Variants in NFATC3 observed in about 807,000 individuals in gnomAD.
The protein encoded by NFATC3 is nuclear factor of activated T-cells, cytoplasmic 3.
A neutral mutation model predicts 98.6 loss-of-function variants in NFATC3; 46 were observed. The ratio of observed to expected loss-of-function variants is 0.47; its 90% confidence interval spans 0.37 to 0.60. The LOEUF (loss-of-function observed/expected upper bound fraction) is 0.60. Among genes scored for constraint, NFATC3 ranks in the 20% least tolerant of loss-of-function variants. The pLI, the probability that NFATC3 is intolerant of heterozygous loss-of-function variation, is 0.00. For synonymous variants in NFATC3, 512 were observed against 472.2 expected, an observed-to-expected ratio of 1.08 and a Z score of -1.09; for missense variants, 1,256 against 1,295.5, an observed-to-expected ratio of 0.97 and a Z score of 0.47.
chr16:68,138,651 C>A (rs1418551928), intron 3 of NFATC3: 6 of 1,288,794 alleles, frequency 4.7e-6, no homozygotes, highest in African/African-American at 1.5e-5. Context: ...TCACCACTTA[C>A]AATTTTTTGG....
intron 1 of NFATC3, among the ~76,000 whole-genome samples, chr16:68,106,664 G>T (rs1359263543): frequency 1.3e-5 from 2 of 151,908 alleles, no homozygotes; most frequent in Non-Finnish European, 2.9e-5. Context: ...GACCTCAGGT[G>T]ATCTGTCCAC....
At chr16:68,157,745 T>G in intron 3 of NFATC3, 124 bp from the exon 4 acceptor site, 1 of 734,048 alleles carries the variant, frequency 1.4e-6, no homozygotes. Context: ...GGTTGTATTT[T>G]TTGAAATAAC....
intron 3 of NFATC3, among the ~76,000 whole-genome samples, chr16:68,135,936 G>GAGTA (rs2037382462): frequency 6.6e-6 from 1 of 151,744 alleles, no homozygotes; most frequent in African/African-American, 2.4e-5. Flanking sequence ...GGTGGTGCAT[G>GAGTA]CCTGTAATCC....
intron 4 of NFATC3, among the ~76,000 whole-genome samples, chr16:68,166,019 AC>A (rs1444177234): frequency 6.6e-6 from 1 of 152,270 alleles, no homozygotes; most frequent in Non-Finnish European, 1.5e-5. Context: ...CCTTCATCTT[AC>A]ATGTGCATTC....
intron 1 of NFATC3, among the ~76,000 whole-genome samples, chr16:68,119,848 G>A (rs1040989214): frequency 6.6e-6 from 1 of 152,096 alleles, no homozygotes; most frequent in African/African-American, 2.4e-5. Context: ...GAACATGCCT[G>A]CTTACATAGT....
At chr16:68,123,173 G>T in intron 2 of NFATC3, 52 bp downstream of exon 2, 2 of 1,528,814 alleles carry the variant, frequency 1.3e-6, no homozygotes, top group Non-Finnish European at 1.7e-6. Flanking sequence ...TGGGTCATTG[G>T]TGGCATATAA....
At chr16:68,153,416 C>T (rs949101684) in intron 3 of NFATC3, among the ~76,000 whole-genome samples, 2 of 151,844 alleles carry the variant, frequency 1.3e-5, no homozygotes, top group African/African-American at 4.8e-5. Context: ...AGTGAGACTC[C>T]ATCCCCCAAA....
At position 68,138,676 on chromosome 16, in the gene NFATC3, A is replaced by G. The variant is rs988922126; in HGVS notation, c.1401+12066A>G. 29 of 1,287,464 alleles carry G rather than the reference A, an allele frequency of 2.3e-5. No homozygotes were observed. The Admixed American group carries it at 6.2e-4, about 28-fold the overall frequency. The allele number at this position is 1,287,464 out of a possible 1,614,324, so 79.8% of individuals were successfully genotyped here. The stretch of plus-strand genomic sequence containing the variant: ...CAATTTTTTGGCTACAAGTAGTCAC[A>G]TGGCCCTACTTACATGCAGAAGTAC... On this transcript the variant is annotated intron_variant, in intron 3 of 9. Coordinates refer to ENST00000346183, the MANE Select transcript of NFATC3 (RefSeq NM_173165.3).
intron 4 of NFATC3, among the ~76,000 whole-genome samples, chr16:68,165,392 C>CTTTTTTTTTTTTTTTTTTTT (rs869025719): frequency 3.8e-5 from 4 of 104,394 alleles, no homozygotes; most frequent in Non-Finnish European, 8.1e-5. Flanking sequence ...TTTTCTTTTT[C>CTTTTTTTTTTTTTTTTTTTT]TTTTTTTTTT....
At chr16:68,187,313 A>G (rs1489247693) in intron 8 of NFATC3, among the ~76,000 whole-genome samples, 2 of 152,192 alleles carry the variant, frequency 1.3e-5, no homozygotes, top group African/African-American at 4.8e-5. Flanking sequence ...GAGAGCTCCT[A>G]GGTCTGGGCT....
intron 1 of NFATC3, among the ~76,000 whole-genome samples, chr16:68,115,705 G>A (rs964887315): frequency 5.9e-5 from 9 of 152,086 alleles, no homozygotes; most frequent in Non-Finnish European, 1.3e-4. Context: ...AATTACAGGC[G>A]TGAGCCACCA....
At chr16:68,164,430 G>A (rs1380443092) in intron 4 of NFATC3, among the ~76,000 whole-genome samples, 1 of 152,140 alleles carries the variant, frequency 6.6e-6, no homozygotes, top group Non-Finnish European at 1.5e-5. Context: ...GAGAGGGAGA[G>A]CGCCTAATCT....
chr16:68,221,262 G>A, intron 9 of NFATC3: 1 of 1,614,096 alleles, frequency 6.2e-7, no homozygotes, highest in Non-Finnish European at 8.5e-7. Flanking sequence ...GTCCCAGCAG[G>A]AAGATATCTG....
intron 9 of NFATC3, among the ~76,000 whole-genome samples, chr16:68,221,016 G>T (rs550863469): frequency 6.6e-6 from 1 of 152,218 alleles, no homozygotes; most frequent in South Asian, 2.1e-4. Flanking sequence ...CCTAGTGTTG[G>T]GATAACAGGC....
chr16:68,114,196 C>T (rs544137054), intron 1 of NFATC3, among the ~76,000 whole-genome samples: 2 of 152,290 alleles, frequency 1.3e-5, no homozygotes, highest in East Asian at 1.9e-4. Flanking sequence ...TGTGGGAGTT[C>T]GCCTTTGTGG....
At chr16:68,188,731 A>G (rs1270993389) in intron 8 of NFATC3, among the ~76,000 whole-genome samples, 1 of 152,208 alleles carries the variant, frequency 6.6e-6, no homozygotes, top group African/African-American at 2.4e-5. Flanking sequence ...TGTTTGAGAC[A>G]GAATTTCACT....
chr16:68,110,350 C>T (rs2035879543), intron 1 of NFATC3, among the ~76,000 whole-genome samples: 1 of 147,122 alleles, frequency 6.8e-6, no homozygotes, highest in Non-Finnish European at 1.5e-5. Flanking sequence ...GCTCTGTTGC[C>T]CAGGCTGGAG....
intron 3 of NFATC3, among the ~76,000 whole-genome samples, chr16:68,146,146 T>G (rs1323791256): frequency 1.3e-5 from 2 of 152,132 alleles, no homozygotes; most frequent in Non-Finnish European, 2.9e-5. Flanking sequence ...TTACTTTGGG[T>G]GTCATATCAG....
intron 6 of NFATC3, 93 bp from the exon 7 acceptor site, chr16:68,181,382 T>G: frequency 2.4e-6 from 2 of 832,912 alleles, no homozygotes; most frequent in East Asian, 5.0e-5. Context: ...ATCCCCTTTG[T>G]TAATAAATTT....
Sources: gnomAD v4.1 joint callset for allele counts (sites outside exome capture counted in the v4.1 genomes callset) on GRCh38, gnomAD v4.1.1 for gene constraint, MANE v1.5 for transcripts, NCBI Gene and HGNC (gene_info 2026-07-23, HGNC 2026-07-21) for gene names.